The following PTPRD variants were observed in gnomAD, a reference collection of about 807,000 sequenced individuals.
The protein encoded by PTPRD is receptor-type tyrosine-protein phosphatase delta.
Under a neutral mutation model 214.5 loss-of-function variants are expected in PTPRD, and 34 were observed. The ratio of observed to expected loss-of-function variants is 0.16; its 90% confidence interval spans 0.12 to 0.21. The LOEUF (loss-of-function observed/expected upper bound fraction) is 0.21, where lower values mean the gene tolerates loss of function less well. PTPRD is among the 10% of genes least tolerant of loss of function. PTPRD has a pLI of 1.00. For missense variants in PTPRD, 2,545 were observed against 2,398.7 expected (o/e 1.06, Z -1.27); for synonymous variants, 1,128 against 845.7 (o/e 1.33, Z -5.79).
At position 8,929,821 on chromosome 9, in the gene PTPRD, GTATATATATGTGTA is replaced by G. The variant is rs1157266627; in HGVS notation, c.-104+88862_-104+88875del. ...TGTGTATATATGTGTATATATATGT[GTATATATATGTGTA>G]TATATATGTGTGTATATATATGTGT... On this transcript the variant is annotated intron_variant, in intron 11 of 45. Transcript: ENST00000381196. Among the ~76,000 whole-genome samples the G allele has an allele frequency of 2.2e-4, 11 of 51,096 alleles. 2 individuals carry two copies. Among genetic ancestry groups the G allele is most frequent in the African/African-American group, 4.2e-4 (7 of 16,622 alleles). The allele number at this position is 51,096 out of a possible 152,430, so 33.5% of individuals were successfully genotyped here.
chr9:9,847,272 G>A (rs978033011), intron 5 of PTPRD, among the ~76,000 whole-genome samples: 1 of 151,928 alleles, frequency 6.6e-6, no homozygotes, highest in African/African-American at 2.4e-5. Flanking sequence ...TCACTTCAAT[G>A]GGACACATAC....
chr9:10,072,223 G>T (rs1452486861), intron 3 of PTPRD, among the ~76,000 whole-genome samples: 2 of 151,946 alleles, frequency 1.3e-5, no homozygotes, highest in African/African-American at 4.8e-5. Context: ...ATGAAAATAT[G>T]CTCAATATTT....
chr9:8,830,885 GATTA>G (rs1254422012), intron 11 of PTPRD, among the ~76,000 whole-genome samples: 7 of 152,122 alleles, frequency 4.6e-5, no homozygotes, highest in South Asian at 2.1e-4. Context: ...CTCTTCAATT[GATTA>G]ATTATTAGTG....
At chr9:9,261,810 C>A (rs1165150682) in intron 9 of PTPRD, among the ~76,000 whole-genome samples, 1 of 151,664 alleles carries the variant, frequency 6.6e-6, no homozygotes, top group Non-Finnish European at 1.5e-5. Flanking sequence ...CGTTATTTCA[C>A]TAAATTTCAT....
At chr9:9,319,320 G>C (rs2135909894) in intron 9 of PTPRD, among the ~76,000 whole-genome samples, 1 of 152,254 alleles carries the variant, frequency 6.6e-6, no homozygotes, top group South Asian at 2.1e-4. Flanking sequence ...CATAAATCAA[G>C]TGAGGGGTTG....
intron 12 of PTPRD, among the ~76,000 whole-genome samples, chr9:8,729,443 CA>C (rs373811343): frequency 1.9e-4 from 21 of 109,644 alleles, no homozygotes; most frequent in African/African-American, 6.9e-4. Flanking sequence ...ACCTCTAGGT[CA>C]AATTAAAAAA....
chr9:8,759,540 A>G (rs751579607), intron 11 of PTPRD, among the ~76,000 whole-genome samples: 1 of 152,000 alleles, frequency 6.6e-6, no homozygotes, highest in Non-Finnish European at 1.5e-5. Context: ...CAAATTTTTT[A>G]CACTGTCAAT....
At chr9:9,379,272 T>C (rs1460805388) in intron 9 of PTPRD, among the ~76,000 whole-genome samples, 1 of 150,068 alleles carries the variant, frequency 6.7e-6, no homozygotes, top group East Asian at 1.9e-4. Context: ...TCAATGTCCC[T>C]CTCCCATTTG....
chr9:8,546,484 T>C lies in PTPRD; in HGVS notation c.353-17705A>G, dbSNP rs376078209. On this transcript the variant is annotated intron_variant, in intron 14 of 45. Transcript: ENST00000381196. ...CTGGTTTCAGGGGAATATTATGGTTTTTCTTTCTTTTTTCTTTTTCTTTTT... is the reference window on the plus strand; with the variant it reads ...CTGGTTTCAGGGGAATATTATGGTTCTTCTTTCTTTTTTCTTTTTCTTTTT... Among the ~76,000 whole-genome samples the C allele has an allele frequency of 9.9e-5, 15 of 152,094 alleles. 1 individual carries two copies. Among genetic ancestry groups the C allele is most frequent in the East Asian group, 3.9e-4 (2 of 5,184 alleles).
At chr9:9,876,637 G>C (rs2066944397) in intron 5 of PTPRD, among the ~76,000 whole-genome samples, 1 of 152,118 alleles carries the variant, frequency 6.6e-6, no homozygotes, top group South Asian at 2.1e-4. Flanking sequence ...ACTATTTTTG[G>C]AAAGCATTTG....
intron 7 of PTPRD, among the ~76,000 whole-genome samples, chr9:9,613,643 G>A (rs1024375365): frequency 3.3e-5 from 5 of 151,910 alleles, no homozygotes; most frequent in Non-Finnish European, 5.9e-5. Context: ...CTAATATATC[G>A]GTCTTTTCCA....
At chr9:10,059,336 A>G (rs2097714486) in intron 3 of PTPRD, among the ~76,000 whole-genome samples, 1 of 152,166 alleles carries the variant, frequency 6.6e-6, no homozygotes, top group South Asian at 2.1e-4. Context: ...AACCTCGGGT[A>G]AATTTAAGAG....
chr9:8,321,843 T>A (rs1053710346), intron 44 of PTPRD, among the ~76,000 whole-genome samples: 2 of 151,870 alleles, frequency 1.3e-5, no homozygotes, highest in Non-Finnish European at 2.9e-5. Context: ...CTTTATGGAG[T>A]TTTGCAGATA....
chr9:9,803,295 C>T (rs1382386259), intron 5 of PTPRD, among the ~76,000 whole-genome samples: 3 of 150,924 alleles, frequency 2.0e-5, no homozygotes, highest in Admixed American at 6.6e-5. Context: ...CAGTGATAAT[C>T]CTCATTGGTA....
At chr9:10,511,294 T>C (rs2047924527) in intron 2 of PTPRD, among the ~76,000 whole-genome samples, 1 of 152,168 alleles carries the variant, frequency 6.6e-6, no homozygotes, top group South Asian at 2.1e-4. Flanking sequence ...AGGAGTGGGA[T>C]TGCCAGGTCA....
Position 9,818,882 on chromosome 9 carries a change from C to G in PTPRD, c.-367-52031G>C, listed in dbSNP as rs147495629. Among the ~76,000 whole-genome samples, 634 of 143,662 alleles carry G rather than the reference C, an allele frequency of 4.4e-3. 4 individuals are homozygous for G. Among genetic ancestry groups the G allele is most frequent in the African/African-American group, 0.015 (576 of 38,062 alleles). 94.2% of individuals were successfully genotyped at this position (143,662 alleles called of 152,430 possible). On this transcript the variant is annotated intron_variant, in intron 5 of 45. Coordinates refer to ENST00000381196, the MANE Select transcript of PTPRD (RefSeq NM_002839.4). The stretch of plus-strand genomic sequence containing the variant: ...AGTGAGCCAAGATTGTGGCACTGCA[C>G]TCCAGCCTGGGCAACAGAGCAAGAC...
intron 7 of PTPRD, among the ~76,000 whole-genome samples, chr9:9,700,348 C>A (rs1469226870): frequency 3.3e-5 from 5 of 152,048 alleles, no homozygotes; most frequent in Non-Finnish European, 7.4e-5. Context: ...TGAGTGCACA[C>A]ACAATGAACA....
intron 2 of PTPRD, among the ~76,000 whole-genome samples, chr9:10,351,752 C>T (rs1298354847): frequency 3.3e-5 from 5 of 149,546 alleles, no homozygotes; most frequent in African/African-American, 9.8e-5. Context: ...TTCTCTGTTT[C>T]TTAATTTCCT....
chr9:10,209,705 T>C (rs188959799), intron 3 of PTPRD, among the ~76,000 whole-genome samples: 45 of 152,000 alleles, frequency 3.0e-4, no homozygotes, highest in Non-Finnish European at 4.4e-4. Context: ...ATTCTACTTA[T>C]CTCAAAAGGA....
Sources: allele counts gnomAD v4.1 joint callset (sites outside exome capture counted in the v4.1 genomes callset), GRCh38; gene constraint gnomAD v4.1.1; transcripts MANE v1.5; gene names NCBI Gene and HGNC (gene_info 2026-07-23, HGNC 2026-07-21).